The following PDZRN3 variants were observed in gnomAD, a reference collection of about 807,000 sequenced individuals.
The protein encoded by PDZRN3 is E3 ubiquitin-protein ligase PDZRN3.
A neutral mutation model predicts 85.7 loss-of-function variants in PDZRN3; 38 were observed. That is an observed-to-expected ratio of 0.44 (90% CI 0.34 to 0.58). The LOEUF (loss-of-function observed/expected upper bound fraction) is 0.58. Among genes scored for constraint, PDZRN3 ranks in the 20% least tolerant of loss-of-function variants. PDZRN3 has a pLI of 0.01. For missense variants in PDZRN3, 1,629 were observed against 1,506.4 expected, an observed-to-expected ratio of 1.08 and a Z score of -1.35; for synonymous variants, 759 against 638.0, an observed-to-expected ratio of 1.19 and a Z score of -2.86.
intron 3 of PDZRN3, among the ~76,000 whole-genome samples, chr3:73,470,781 C>G (rs777408383): frequency 6.6e-6 from 1 of 152,166 alleles, no homozygotes; most frequent in African/African-American, 2.4e-5. Flanking sequence ...CCCACTGTGC[C>G]AATCATTCCG....
rs1702330282 is a variant in PDZRN3 at position 73,427,028 on chromosome 3, C to G, written c.919-22633G>C. ...ATTTTGGCATATTCTTTATCACAAG[C>G]TGATGAATATCATCAAATGTATTTG... is the stretch of plus-strand genomic sequence containing the variant. On this transcript the variant is annotated intron_variant, in intron 3 of 9. Coordinates refer to ENST00000263666, the MANE Select transcript of PDZRN3 (RefSeq NM_015009.3). 2.0e-5 allele frequency among the ~76,000 whole-genome samples: 3 copies of G among 152,260 alleles called. No homozygotes were observed. In the South Asian group the frequency reaches 6.2e-4, roughly 32 times the overall value.
intron 4 of PDZRN3, chr3:73,402,356 C>T (rs1701766219): frequency 6.6e-6 from 1 of 152,224 alleles, no homozygotes; most frequent in African/African-American, 2.4e-5. Context: ...GATCATCATA[C>T]TCAGTGAATC....
chr3:73,467,578 C>T (rs1703246634), intron 3 of PDZRN3, among the ~76,000 whole-genome samples: 1 of 152,150 alleles, frequency 6.6e-6, no homozygotes, highest in African/African-American at 2.4e-5. Flanking sequence ...AATGTCTTAC[C>T]ATCTTCCAGA....
chr3:73,408,807 ACT>A (rs1465008552), intron 3 of PDZRN3, among the ~76,000 whole-genome samples: 2 of 151,930 alleles, frequency 1.3e-5, no homozygotes, highest in Admixed American at 6.6e-5. Flanking sequence ...CATCACTGAG[ACT>A]CTTAGCGAGA....
intron 3 of PDZRN3, among the ~76,000 whole-genome samples, chr3:73,459,047 C>T (rs1314741791): frequency 6.6e-6 from 1 of 151,526 alleles, no homozygotes; most frequent in Non-Finnish European, 1.5e-5. Context: ...AATTGACTCA[C>T]AGTTCGGCAT....
Position 73,404,197 on chromosome 3 carries a change from T to G in PDZRN3, c.1117A>C (p.Met373Leu), listed in dbSNP as rs1346403746. 4 of 1,613,962 alleles carry G rather than the reference T, an allele frequency of 2.5e-6. No homozygotes were observed. Among genetic ancestry groups the G allele is most frequent in the Non-Finnish European group, 3.4e-6 (4 of 1,179,982 alleles). Residue 373 changes from methionine (M) to leucine (L), a missense_variant, in exon 4 of 10, where the codon ATG becomes CTG. Coordinates refer to ENST00000263666, the MANE Select transcript of PDZRN3 (RefSeq NM_015009.3). Reference sequence around the variant, plus strand: ...AGCACGGGTGGGCTGGGAGAGGACATCTTAGTGAGGGCCATGATATGTTCA... The same window carrying G: ...AGCACGGGTGGGCTGGGAGAGGACAGCTTAGTGAGGGCCATGATATGTTCA... ...TFEHIMALTK[M>L]SSPSPPVLDP...
chr3:73,460,982 T>G (rs1236091644), intron 3 of PDZRN3, among the ~76,000 whole-genome samples: 1 of 152,030 alleles, frequency 6.6e-6, no homozygotes, highest in Non-Finnish European at 1.5e-5. Flanking sequence ...TTAGTAGAGA[T>G]AGGGCTTCAT....
chr3:73,410,045 C>T (rs1559663301), intron 3 of PDZRN3, among the ~76,000 whole-genome samples: 2 of 152,064 alleles, frequency 1.3e-5, no homozygotes, highest in African/African-American at 4.8e-5. Flanking sequence ...TAATTAAATA[C>T]AGGGGGAGTG....
rs1366918457 is a variant in PDZRN3 at position 73,383,167 on chromosome 3, C to T, written c.*198G>A. 3 of 513,888 alleles carry T rather than the reference C, an allele frequency of 5.8e-6. No individual in the cohort carries two copies. The highest frequency in any genetic ancestry group is 3.7e-5 in the Admixed American group (1 of 26,896). The allele number at this position is 513,888 out of a possible 1,614,324, so 31.8% of individuals were successfully genotyped here. A position where few individuals can be genotyped will look rare whatever the true frequency, so the allele number is the denominator to read the frequency against. ...AGCTCTGTTTGTTAATATTGCCTTC[C>T]AAGATAGTAAGGGTGTTTTTCTCTC... On this transcript the variant is annotated 3_prime_UTR_variant, in exon 10 of 10. Coordinates refer to ENST00000263666, the MANE Select transcript of PDZRN3 (RefSeq NM_015009.3).
intron 3 of PDZRN3, among the ~76,000 whole-genome samples, chr3:73,428,701 T>C (rs1455016053): frequency 6.6e-6 from 1 of 152,168 alleles, no homozygotes; most frequent in Non-Finnish European, 1.5e-5. Context: ...AGAGGTAATC[T>C]CTGGTCCCAC....
intron 2 of PDZRN3, among the ~76,000 whole-genome samples, chr3:73,606,941 C>T (rs373758712): frequency 4.5e-4 from 69 of 152,168 alleles, no homozygotes; most frequent in African/African-American, 1.6e-3. Context: ...TAATTTAAAT[C>T]CCAGACTCAA....
intron 3 of PDZRN3, among the ~76,000 whole-genome samples, chr3:73,419,555 C>T (rs1289170061): frequency 6.6e-6 from 1 of 152,216 alleles, no homozygotes; most frequent in East Asian, 1.9e-4. Context: ...TTAGGCAACA[C>T]TAAGTTTCCC....
At chr3:73,544,029 T>C (rs1306511727) in intron 3 of PDZRN3, among the ~76,000 whole-genome samples, 1 of 152,220 alleles carries the variant, frequency 6.6e-6, no homozygotes, top group Non-Finnish European at 1.5e-5. Flanking sequence ...CTGGCCACCA[T>C]GGTGAAACCT....
rs187900942 is a variant in PDZRN3, at chr3:73,584,590, G to T, written c.918+17764C>A. On this transcript the variant is annotated intron_variant, in intron 3 of 9. Coordinates refer to ENST00000263666, the MANE Select transcript of PDZRN3 (RefSeq NM_015009.3). ...ATTTAATAAAACTACCTAGTTTTTT[G>T]TTTGTTTTAAAGTCACTTGTAACAG... Among the ~76,000 whole-genome samples the T allele has an allele frequency of 5.8e-3, 883 of 151,858 alleles. 9 individuals carry two copies. The highest frequency in any genetic ancestry group is 0.019 in the African/African-American group (800 of 41,406).
At chr3:73,542,994 G>A (rs189955101) in intron 3 of PDZRN3, among the ~76,000 whole-genome samples, 17 of 152,082 alleles carry the variant, frequency 1.1e-4, no homozygotes, top group Admixed American at 4.6e-4. Flanking sequence ...TGGTACTTCT[G>A]GACACTCCAC....
chr3:73,559,178 A>G (rs1259273806), intron 3 of PDZRN3, among the ~76,000 whole-genome samples: 1 of 152,194 alleles, frequency 6.6e-6, no homozygotes, highest in Non-Finnish European at 1.5e-5. Context: ...TGGGTTTGGA[A>G]TTAATATTAT....
intron 3 of PDZRN3, among the ~76,000 whole-genome samples, chr3:73,499,683 A>AGGT (rs576905946): frequency 1.5e-3 from 235 of 152,274 alleles, no homozygotes; most frequent in African/African-American, 5.5e-3. Flanking sequence ...CCAAAGCCTG[A>AGGT]GGTGGTGGTG....
intron 3 of PDZRN3, among the ~76,000 whole-genome samples, chr3:73,459,231 T>C (rs1467398340): frequency 6.6e-6 from 1 of 152,060 alleles, no homozygotes; most frequent in Non-Finnish European, 1.5e-5. Flanking sequence ...CCCATAATAA[T>C]TCAGTCAGCT....
intron 5 of PDZRN3, among the ~76,000 whole-genome samples, chr3:73,394,686 G>C (rs1048371736): frequency 3.9e-5 from 6 of 152,102 alleles, no homozygotes; most frequent in African/African-American, 1.4e-4. Context: ...CTTATCTCTG[G>C]CCCTTCTTAG....
Sources: allele counts gnomAD v4.1 joint callset (sites outside exome capture counted in the v4.1 genomes callset), GRCh38; gene constraint gnomAD v4.1.1; transcripts MANE v1.5; gene names NCBI Gene and HGNC (gene_info 2026-07-23, HGNC 2026-07-21).